Variants in BUB1B observed in about 807,000 individuals in gnomAD.
BUB1B encodes the protein BUB1 mitotic checkpoint serine/threonine kinase B.
In BUB1B, 86 loss-of-function variants were observed where a neutral mutation model predicts 137.7. The ratio of observed to expected loss-of-function variants is 0.62; its 90% CI spans 0.52 to 0.75. The LOEUF is 0.75. BUB1B is among the 30% of genes least tolerant of loss of function. BUB1B has a pLI of 0.00. For missense variants in BUB1B, 1,130 were observed against 1,236.9 expected, an observed-to-expected ratio of 0.91 and a Z score of 1.30; for synonymous variants, 420 against 417.9, an observed-to-expected ratio of 1.00 and a Z score of -0.06.
chr15:40,165,339 A>G, intron 2 of BUB1B, 143 bp downstream of exon 2: 1 of 1,048,672 alleles, frequency 9.5e-7, no homozygotes. Context: ...CTGCTTTCGT[A>G]TCACATGACA....
chr15:40,170,084 T>C lies in BUB1B; in HGVS notation c.202T>C (p.Phe68Leu). The change falls in exon 3 of 23, where the codon TTT becomes CTT. Residue 68 changes from phenylalanine to leucine, a missense_variant. Phe to Leu is a conservative substitution (Grantham distance 22). Transcript: ENST00000287598. ...CAGGGCATTTGAATATGAAATTCGA[T>C]TTTACACTGGAAATGACCCTCTGGA... is the stretch of plus-strand genomic sequence containing the variant. Reference protein sequence around the residue: ...QKRAFEYEIRFYTGNDPLDVW... With the variant: ...QKRAFEYEIRLYTGNDPLDVW... The C allele has an allele frequency of 6.2e-7, 1 of 1,613,948 alleles. No homozygotes were observed. Among genetic ancestry groups the C allele is most frequent in the Non-Finnish European group, 8.5e-7 (1 of 1,179,822 alleles).
At chr15:40,218,281 C>A (rs1463582042) in intron 21 of BUB1B, among the ~76,000 whole-genome samples, 175 bp from the exon 22 acceptor site, 1 of 152,188 alleles carries the variant, frequency 6.6e-6, no homozygotes, top group Non-Finnish European at 1.5e-5. Flanking sequence ...CTCTATTGAT[C>A]ACTTCTTTGG....
Position 40,165,066 on chromosome 15 carries a change from C to G in BUB1B, c.49C>G (p.Leu17Val). The G allele has an allele frequency of 6.2e-7, 1 of 1,614,118 alleles. No homozygotes were observed. Among genetic ancestry groups the G allele is most frequent in the South Asian group, 1.1e-5 (1 of 91,080 alleles). Residue 17 changes from leucine (L) to valine (V), a missense_variant, in exon 2 of 23, where the codon CTG becomes GTG. By Grantham distance (32) the Leu-to-Val change is conservative. Coordinates refer to ENST00000287598, the MANE Select transcript of BUB1B (RefSeq NM_001211.6). The stretch of plus-strand genomic sequence containing the variant: ...CCTTCTTCACAGTGAAGCCATGTCC[C>G]TGGAGGGAGATGAATGGGAACTGAG... ...EGGALSEAMS[L>V]EGDEWELSKE...
At chr15:40,215,261 G>T (rs2037761657) in intron 20 of BUB1B, among the ~76,000 whole-genome samples, 1 of 151,612 alleles carries the variant, frequency 6.6e-6, no homozygotes, top group Non-Finnish European at 1.5e-5. Context: ...ATCACCTGAG[G>T]TTGGGAGTTC....
intron 4 of BUB1B, 60 bp downstream of exon 4, chr15:40,170,741 A>T: frequency 6.4e-7 from 1 of 1,568,370 alleles, no homozygotes; most frequent in South Asian, 1.1e-5. Flanking sequence ...TTTTCTCTAG[A>T]GGTATCTGGT....
chr15:40,162,717 G>A (rs2037054472), intron 1 of BUB1B, among the ~76,000 whole-genome samples: 2 of 152,150 alleles, frequency 1.3e-5, no homozygotes, highest in Admixed American at 1.3e-4. Context: ...GAAGACTGTG[G>A]GAGGAGCAGG....
At chr15:40,176,349 C>T (rs1448315801) in intron 4 of BUB1B, 128 bp from the exon 5 acceptor site, 5 of 891,446 alleles carry the variant, frequency 5.6e-6, no homozygotes, top group Non-Finnish European at 9.1e-6. Flanking sequence ...TGGTCCTTAT[C>T]ACATTGTAAT....
chr15:40,191,933 C>G (rs28844897), intron 8 of BUB1B, among the ~76,000 whole-genome samples: 12,327 of 152,026 alleles, frequency 0.081, 1,652 homozygotes, highest in African/African-American at 0.28. Flanking sequence ...AGGATGAATC[C>G]AACTTTGTTC....
chr15:40,164,999 G>A, intron 1 of BUB1B, 54 bp from the exon 2 acceptor site: 1 of 1,606,176 alleles, frequency 6.2e-7, no homozygotes, highest in Non-Finnish European at 8.5e-7. Flanking sequence ...CAATAATCTA[G>A]TGCTATAATA....
intron 5 of BUB1B, among the ~76,000 whole-genome samples, chr15:40,181,834 G>C (rs2037297458): frequency 6.6e-6 from 1 of 151,902 alleles, no homozygotes; most frequent in Non-Finnish European, 1.5e-5. Context: ...CTGTTTCTCT[G>C]TTGAGAATTT....
At chr15:40,203,629 C>T (rs2037602136) in intron 14 of BUB1B, among the ~76,000 whole-genome samples, 2 of 152,064 alleles carry the variant, frequency 1.3e-5, no homozygotes, top group African/African-American at 2.4e-5. Flanking sequence ...TAGCAAAAGA[C>T]ATTTGTTCTT....
Position 40,185,229 on chromosome 15 carries a change from T to TA in BUB1B, c.817dup (p.Thr273AsnfsTer4), listed in dbSNP as rs1440368427. The TA allele has an allele frequency of 6.2e-7, 1 of 1,613,996 alleles. No individual in the cohort carries two copies. The highest frequency in any genetic ancestry group is 8.5e-7 in the Non-Finnish European group (1 of 1,180,022). On this transcript the variant is annotated frameshift_variant, in exon 7 of 23. Coordinates refer to ENST00000287598, the MANE Select transcript of BUB1B (RefSeq NM_001211.6). LOFTEE classifies it high-confidence loss of function. ...AACAGATGCAAAATAATAGTAGAAT[T>TA]ACTGTTTTTGATGAAAATGCTGATG...
intron 1 of BUB1B, among the ~76,000 whole-genome samples, chr15:40,163,018 A>G (rs1013950616): frequency 2.0e-5 from 3 of 152,100 alleles, no homozygotes; most frequent in Non-Finnish European, 4.4e-5. Flanking sequence ...TGGAGTTTTC[A>G]TGTTTTCCGC....
intron 5 of BUB1B, among the ~76,000 whole-genome samples, chr15:40,179,004 A>G (rs1444431640): frequency 2.0e-5 from 3 of 151,724 alleles, no homozygotes; most frequent in Non-Finnish European, 4.4e-5. Flanking sequence ...ATTAGCAGTC[A>G]CTCTCCATTC....
intron 4 of BUB1B, among the ~76,000 whole-genome samples, chr15:40,176,013 A>G (rs1440005005): frequency 1.3e-5 from 2 of 151,998 alleles, no homozygotes; most frequent in African/African-American, 2.4e-5. Context: ...CAGTGGCACC[A>G]TCATAGTTCA....
intron 8 of BUB1B, among the ~76,000 whole-genome samples, chr15:40,187,378 A>ATG (rs2037380808): frequency 1.3e-5 from 2 of 151,888 alleles, no homozygotes; most frequent in African/African-American, 4.8e-5. Context: ...CGCCCACCTC[A>ATG]GCCTCCCAAA....
At chr15:40,190,955 G>A (rs974116849) in intron 8 of BUB1B, among the ~76,000 whole-genome samples, 3 of 150,036 alleles carry the variant, frequency 2.0e-5, no homozygotes, top group African/African-American at 7.4e-5. Flanking sequence ...TAGTGCCATC[G>A]TGGCTCACTG....
Position 40,206,343 on chromosome 15 carries a change from C to T in BUB1B, c.1894C>T (p.Pro632Ser). 6.2e-7 allele frequency: 1 copy of T among 1,614,156 alleles called. No homozygotes were observed. Among genetic ancestry groups the T allele is most frequent in the Non-Finnish European group, 8.5e-7 (1 of 1,180,038 alleles). Reference protein sequence around the residue: ...FHEIMSLKDLPSDPERLLPEE... With the variant: ...FHEIMSLKDLSSDPERLLPEE... The stretch of plus-strand genomic sequence containing the variant: ...TGAGATAATGTCCTTGAAGGATCTC[C>T]CTTCTGATCCTGAGAGACTGTTACC... Residue 632 changes from proline (P) to serine (S), a missense_variant, in exon 15 of 23, where the codon CCT becomes TCT. Pro to Ser is a moderately conservative substitution (Grantham distance 74, BLOSUM62 -1). Coordinates refer to ENST00000287598, the MANE Select transcript of BUB1B (RefSeq NM_001211.6).
intron 1 of BUB1B, among the ~76,000 whole-genome samples, chr15:40,164,359 C>T (rs2140878068): frequency 6.6e-6 from 1 of 152,074 alleles, no homozygotes; most frequent in African/African-American, 2.4e-5. Flanking sequence ...TTCTAAGTAG[C>T]CACGACCATG....
Sources: gnomAD v4.1 joint callset for allele counts (sites outside exome capture counted in the v4.1 genomes callset) on GRCh38, gnomAD v4.1.1 for gene constraint, MANE v1.5 for transcripts, NCBI Gene and HGNC (gene_info 2026-07-23, HGNC 2026-07-21) for gene names.